Variants in CCDC85A observed in about 807,000 individuals in gnomAD.
The protein encoded by CCDC85A is coiled-coil domain containing 85A, also known as coiled-coil domain-containing protein 85A.
In CCDC85A, 38 loss-of-function variants were observed where a neutral mutation model predicts 50.2. The observed-to-expected ratio is 0.76, with a 90% CI of 0.58 to 0.99. The LOEUF is 0.99. Ranked by LOEUF, CCDC85A falls within the 50% of genes least tolerant of loss-of-function variation. The probability of loss-of-function intolerance (pLI) is 0.00; values close to 1 mark genes in which losing one functional copy is unlikely to be tolerated. For synonymous variants in CCDC85A, 366 were observed against 301.4 expected (o/e 1.21, Z -2.22); for missense variants, 820 against 742.0 (o/e 1.11, Z -1.22).
chr2:56,324,181 C>T (rs1210576697), intron 2 of CCDC85A, among the ~76,000 whole-genome samples: 1 of 152,040 alleles, frequency 6.6e-6, no homozygotes, highest in Non-Finnish European at 1.5e-5. Flanking sequence ...ATCTGCTAAG[C>T]CAGTAGCCTC....
chr2:56,367,954 G>A (rs1400000029), intron 3 of CCDC85A, among the ~76,000 whole-genome samples: 1 of 152,100 alleles, frequency 6.6e-6, no homozygotes, highest in Non-Finnish European at 1.5e-5. Flanking sequence ...GCACAGAAAG[G>A]CCATATAGCT....
intron 2 of CCDC85A, among the ~76,000 whole-genome samples, chr2:56,214,065 T>C (rs753690619): frequency 1.3e-5 from 2 of 151,880 alleles, no homozygotes; most frequent in Non-Finnish European, 2.9e-5. Flanking sequence ...AACATTTTAC[T>C]GAGACAAGAC....
At chr2:56,304,935 C>A (rs199875593) in intron 2 of CCDC85A, among the ~76,000 whole-genome samples, 2 of 127,688 alleles carry the variant, frequency 1.6e-5, no homozygotes. Context: ...AACAAACAAA[C>A]AAAAAAACAA....
intron 2 of CCDC85A, among the ~76,000 whole-genome samples, chr2:56,276,104 G>T (rs1670925977): frequency 6.6e-6 from 1 of 152,106 alleles, no homozygotes; most frequent in African/African-American, 2.4e-5. Context: ...ACATGAAATA[G>T]ATTTGGGGCG....
chr2:56,316,323 A>T (rs1672919380), intron 2 of CCDC85A, among the ~76,000 whole-genome samples: 1 of 152,076 alleles, frequency 6.6e-6, no homozygotes, highest in African/African-American at 2.4e-5. Flanking sequence ...AAACTGATTT[A>T]TATCTTTTTT....
chr2:56,216,381 A>G lies in CCDC85A; in HGVS notation c.1240+22941A>G, dbSNP rs147680260. Among the ~76,000 whole-genome samples the G allele has an allele frequency of 2.0e-3, 308 of 151,900 alleles. 4 individuals carry two copies. The highest frequency in any genetic ancestry group is 0.018 in the Admixed American group (278 of 15,218). ...TTCTATGTCCTTACCAACAACGACT[A>G]TATATATTAAGTAGACTATCGTACT... On this transcript the variant is annotated intron_variant, in intron 2 of 5. Transcript: ENST00000407595.
Position 56,313,912 on chromosome 2 carries a change from C to G in CCDC85A, c.1241-28967C>G, listed in dbSNP as rs183814412. On this transcript the variant is annotated intron_variant, in intron 2 of 5. Transcript: ENST00000407595. The stretch of plus-strand genomic sequence containing the variant: ...TAGTCAGGGCTGGGCCTGGCCTGTT[C>G]AGGGAGCATGTGATACCAGGAGATA... Among the ~76,000 whole-genome samples, 339 of 149,098 alleles carry G rather than the reference C, an allele frequency of 2.3e-3. 1 individual carries two copies. Among genetic ancestry groups the G allele is most frequent in the African/African-American group, 8.4e-3 (326 of 38,874 alleles).
chr2:56,216,137 A>G (rs1000502747), intron 2 of CCDC85A, among the ~76,000 whole-genome samples: 1 of 151,862 alleles, frequency 6.6e-6, no homozygotes, highest in East Asian at 1.9e-4. Context: ...ATCCCATTGG[A>G]TGAATATTCC....
At chr2:56,229,263 A>T (rs1390592751) in intron 2 of CCDC85A, among the ~76,000 whole-genome samples, 1 of 152,204 alleles carries the variant, frequency 6.6e-6, no homozygotes, top group African/African-American at 2.4e-5. Flanking sequence ...GAGGAGCTTA[A>T]TTATACGTGA....
intron 2 of CCDC85A, among the ~76,000 whole-genome samples, chr2:56,301,662 A>C (rs1672210039): frequency 6.6e-6 from 1 of 152,208 alleles, no homozygotes; most frequent in South Asian, 2.1e-4. Context: ...GGAAGCAGAC[A>C]TTTTATGCAT....
chr2:56,201,660 T>TA (rs1327510190), intron 2 of CCDC85A, among the ~76,000 whole-genome samples: 1 of 152,072 alleles, frequency 6.6e-6, no homozygotes, highest in Non-Finnish European at 1.5e-5. Flanking sequence ...TTCTTACCAG[T>TA]AAGAAAGAAA....
chr2:56,325,054 TAAAG>T (rs1301546022), intron 2 of CCDC85A, among the ~76,000 whole-genome samples: 10 of 152,132 alleles, frequency 6.6e-5, no homozygotes, highest in African/African-American at 2.2e-4. Flanking sequence ...CTTTGAAAGT[TAAAG>T]AAGCACTCTT....
In CCDC85A at chr2:56,192,749, C is replaced by T; in HGVS notation, c.549C>T (p.Ser183=). ...DEEKGAGCAG[S]RCSIDSQASL... ...AGAAGGGTGCAGGCTGCGCAGGCAGCCGCTGCTCCATCGACAGCCAGGCCA... is the reference window on the plus strand; with the variant it reads ...AGAAGGGTGCAGGCTGCGCAGGCAGTCGCTGCTCCATCGACAGCCAGGCCA... The change falls in exon 2 of 6, where the codon AGC becomes AGT. Residue 183 remains serine, a synonymous_variant. Coordinates refer to ENST00000407595, the MANE Select transcript of CCDC85A (RefSeq NM_001080433.2). The surrounding 1 kb of genome is among the most constrained non-coding windows in gnomAD (Gnocchi z 4.7). The T allele has an allele frequency of 6.2e-7, 1 of 1,613,272 alleles. No individual in the cohort carries two copies. The highest frequency in any genetic ancestry group is 8.5e-7 in the Non-Finnish European group (1 of 1,179,680).
chr2:56,218,490 C>G (rs1668185007), intron 2 of CCDC85A, among the ~76,000 whole-genome samples: 1 of 151,896 alleles, frequency 6.6e-6, no homozygotes, highest in Non-Finnish European at 1.5e-5. Context: ...TTTCTATATA[C>G]ATATGTTTTA....
intron 5 of CCDC85A, among the ~76,000 whole-genome samples, chr2:56,376,461 G>A (rs1239672043): frequency 1.3e-5 from 2 of 152,066 alleles, no homozygotes; most frequent in Non-Finnish European, 2.9e-5. Context: ...TAGAATAATA[G>A]AAAACAGATA....
In CCDC85A at chr2:56,374,324, T is replaced by G. The variant is rs9679310; in HGVS notation, c.1453-1492T>G. Among the ~76,000 whole-genome samples the G allele has an allele frequency of 7.5e-3, 1,143 of 152,154 alleles. 14 individuals are homozygous for G. Among genetic ancestry groups the G allele is most frequent in the African/African-American group, 0.026 (1,098 of 41,512 alleles). On this transcript the variant is annotated intron_variant, in intron 4 of 5. Transcript: ENST00000407595. Reference sequence around the variant, plus strand: ...GGCTAGTGAGGTGGCAGGGGGAGCCTTTGAGGACATAGGAGAAATGACAGC... The same window carrying G: ...GGCTAGTGAGGTGGCAGGGGGAGCCGTTGAGGACATAGGAGAAATGACAGC...
chr2:56,243,775 T>C (rs1286937805), intron 2 of CCDC85A, among the ~76,000 whole-genome samples: 2 of 152,206 alleles, frequency 1.3e-5, no homozygotes, highest in Non-Finnish European at 1.5e-5. Context: ...CCTATCCTTC[T>C]TAGGAAGGCT....
At position 56,193,074 on chromosome 2, in the gene CCDC85A, C is replaced by G; in HGVS notation, c.874C>G (p.Gln292Glu). 1 of 1,613,936 alleles carries G rather than the reference C, an allele frequency of 6.2e-7. No individual in the cohort carries two copies. Among genetic ancestry groups the G allele is most frequent in the Non-Finnish European group, 8.5e-7 (1 of 1,179,882 alleles). ...ACCCTTGTGCAAGGGCAGCCCCGAACAGCAAAGGCACCCGCATCCAGGGAG... is the reference window on the plus strand; with the variant it reads ...ACCCTTGTGCAAGGGCAGCCCCGAAGAGCAAAGGCACCCGCATCCAGGGAG... ...HKPLCKGSPEQQRHPHPGSSP... is the reference protein window; with the variant it reads ...HKPLCKGSPEEQRHPHPGSSP... The change falls in exon 2 of 6, where the codon CAG becomes GAG. Residue 292 changes from glutamine (Q) to glutamate (E), a missense_variant. Physicochemically the swap from Gln to Glu is conservative, Grantham distance 29. Coordinates refer to ENST00000407595, the MANE Select transcript of CCDC85A (RefSeq NM_001080433.2).
intron 2 of CCDC85A, among the ~76,000 whole-genome samples, chr2:56,296,028 GA>G (rs1393825598): frequency 1.3e-5 from 2 of 152,008 alleles, no homozygotes; most frequent in East Asian, 3.9e-4. Flanking sequence ...CCCTGAAAAT[GA>G]AAAAAGAAGT....
Sources: gnomAD v4.1 joint callset for allele counts (sites outside exome capture counted in the v4.1 genomes callset) on GRCh38, gnomAD v4.1.1 for gene constraint, Gnocchi (gnomAD v3.1) non-coding constraint, MANE v1.5 for transcripts, NCBI Gene and HGNC (gene_info 2026-07-23, HGNC 2026-07-21) for gene names.